The following TUSC3 variants were observed in gnomAD, a reference collection of about 807,000 sequenced individuals.
The protein encoded by TUSC3 is dolichyl-diphosphooligosaccharide--protein glycosyltransferase subunit TUSC3.
TUSC3 carries 45 observed loss-of-function variants against 44.8 expected under a neutral mutation model. The observed-to-expected ratio is 1.00, with a 90% CI of 0.79 to 1.29. TUSC3 has a LOEUF of 1.29. Among genes scored for constraint, TUSC3 ranks in the 50% most tolerant of loss-of-function variants. The pLI, the probability that TUSC3 is intolerant of heterozygous loss-of-function variation, is 0.00. For missense variants in TUSC3, 519 were observed against 437.9 expected (o/e 1.19, Z -1.65); for synonymous variants, 212 against 152.9 (o/e 1.39, Z -2.85).
intron 6 of TUSC3, among the ~76,000 whole-genome samples, chr8:15,724,266 T>C (rs897286152): frequency 1.3e-5 from 2 of 152,138 alleles, no homozygotes; most frequent in African/African-American, 2.4e-5. Flanking sequence ...AAATAATTTC[T>C]GTTGTTTAAG....
intron 1 of TUSC3, among the ~76,000 whole-genome samples, chr8:15,585,512 T>C (rs773004946): frequency 3.6e-4 from 55 of 152,106 alleles, no homozygotes; most frequent in Non-Finnish European, 7.1e-4. Context: ...TTTTTTACAG[T>C]TGAATGCAAA....
chr8:15,469,484 C>G (rs1443919112), intron 1 of TUSC3, among the ~76,000 whole-genome samples: 1 of 152,140 alleles, frequency 6.6e-6, no homozygotes, highest in African/African-American at 2.4e-5. Flanking sequence ...TGGCCAAAAT[C>G]CAAATCACTA....
chr8:15,777,284 G>A, the TUSC3 span, among the ~76,000 whole-genome samples: 1 of 152,264 alleles, frequency 6.6e-6, no homozygotes, highest in East Asian at 1.9e-4. Flanking sequence ...TTCGGGAGCT[G>A]GGAGGGGTTA....
At chr8:15,475,599 G>A (rs1546149) in intron 1 of TUSC3, among the ~76,000 whole-genome samples, 41,798 of 151,970 alleles carry the variant, frequency 0.28, 5,949 homozygotes, top group East Asian at 0.36. Context: ...AAAAGTATAA[G>A]TAAATCAACT....
intron 2 of TUSC3, among the ~76,000 whole-genome samples, chr8:15,501,272 A>T (rs1356971835): frequency 6.6e-6 from 1 of 152,310 alleles, no homozygotes; most frequent in South Asian, 2.1e-4. Context: ...TTTATCTATG[A>T]AAACACTCTC....
At chr8:15,762,252 T>C (rs1812193579) in intron 10 of TUSC3, among the ~76,000 whole-genome samples, 1 of 152,092 alleles carries the variant, frequency 6.6e-6, no homozygotes, top group East Asian at 1.9e-4. Flanking sequence ...TTGAAAATGA[T>C]AGAAGCATAG....
At chr8:15,431,193 G>T (rs1314010107) in intron 1 of TUSC3, among the ~76,000 whole-genome samples, 1 of 151,484 alleles carries the variant, frequency 6.6e-6, no homozygotes, top group African/African-American at 2.4e-5. Flanking sequence ...ATGAATTTTG[G>T]AATTGTTTTT....
intron 2 of TUSC3, among the ~76,000 whole-genome samples, chr8:15,534,211 T>C (rs144903653): frequency 6.6e-6 from 1 of 152,264 alleles, no homozygotes; most frequent in Admixed American, 6.5e-5. Context: ...AGATCTTAGT[T>C]GCAAGATAAA....
chr8:15,779,507 T>C, the TUSC3 span, among the ~76,000 whole-genome samples: 9 of 152,214 alleles, frequency 5.9e-5, no homozygotes, highest in Non-Finnish European at 8.8e-5. Context: ...GGAAGCTGTC[T>C]AAACGTCGTC....
At chr8:15,648,862 G>A (rs1358251718) in intron 2 of TUSC3, among the ~76,000 whole-genome samples, 2 of 151,196 alleles carry the variant, frequency 1.3e-5, no homozygotes, top group Non-Finnish European at 2.9e-5. Context: ...TGTATGTGCA[G>A]GAGTCCATGA....
At chr8:15,572,936 AAAT>A (rs1248078367) in intron 1 of TUSC3, among the ~76,000 whole-genome samples, 2 of 151,980 alleles carry the variant, frequency 1.3e-5, no homozygotes, top group Admixed American at 6.6e-5. Context: ...TTTCCATAAC[AAAT>A]AATAATAATG....
chr8:15,588,646 A>C (rs537267988), intron 1 of TUSC3, among the ~76,000 whole-genome samples: 11 of 152,274 alleles, frequency 7.2e-5, no homozygotes, highest in South Asian at 2.1e-4. Context: ...AAAGTCCTGA[A>C]ACATTTTCTC....
chr8:15,670,133 C>G (rs78351072), intron 5 of TUSC3, among the ~76,000 whole-genome samples: 1 of 151,610 alleles, frequency 6.6e-6, no homozygotes, highest in African/African-American at 2.4e-5. Context: ...GCAGGTAAAC[C>G]TGATAATGGA....
At chr8:15,735,048 C>T (rs182423462) in intron 7 of TUSC3, among the ~76,000 whole-genome samples, 4 of 152,038 alleles carry the variant, frequency 2.6e-5, no homozygotes, top group Admixed American at 2.0e-4. Context: ...GGTTGAGCCC[C>T]GCATGTCTTC....
chr8:15,793,232 G>T, the TUSC3 span, among the ~76,000 whole-genome samples: 8 of 151,992 alleles, frequency 5.3e-5, no homozygotes, highest in East Asian at 1.6e-3. Context: ...CATCATTTCA[G>T]CCCACCTAAC....
chr8:15,596,445 G>C (rs1318828959), intron 1 of TUSC3, among the ~76,000 whole-genome samples: 1 of 152,098 alleles, frequency 6.6e-6, no homozygotes, highest in East Asian at 1.9e-4. Context: ...TTTGCATACA[G>C]AGTGCCAACT....
At chr8:15,525,614 T>C (rs1417526728) in intron 2 of TUSC3, among the ~76,000 whole-genome samples, 1 of 152,158 alleles carries the variant, frequency 6.6e-6, no homozygotes, top group African/African-American at 2.4e-5. Flanking sequence ...AGAACTGCTG[T>C]AGTAGATCAC....
the TUSC3 span, among the ~76,000 whole-genome samples, chr8:15,824,473 C>CT: frequency 0.6 from 91,441 of 151,548 alleles, 28,998 homozygotes; most frequent in Non-Finnish European, 0.73. Flanking sequence ...ATGAACTCAT[C>CT]ATTTTTTATG....
rs549894137 is a variant in TUSC3 at position 15,544,954 on chromosome 8, G to A, written c.138+4386G>A. Among the ~76,000 whole-genome samples, 6 of 151,946 alleles carry A rather than the reference G, an allele frequency of 3.9e-5. No individual in the cohort carries two copies. In the South Asian group the frequency reaches 1.3e-3, roughly 32 times the overall value. ...GAAGACATGGGATTCTTGTGTCACA[G>A]ATGAAGGATAGTTTATTATAGCAAT... On this transcript the variant is annotated intron_variant, in intron 1 of 10. Transcript: ENST00000503731.
Sources: allele counts gnomAD v4.1 joint callset (sites outside exome capture counted in the v4.1 genomes callset), GRCh38; gene constraint gnomAD v4.1.1; transcripts MANE v1.5; gene names NCBI Gene and HGNC (gene_info 2026-07-23, HGNC 2026-07-21).